Variants in SNTG2 observed in about 807,000 individuals in gnomAD.
SNTG2 encodes the protein gamma-2-syntrophin.
SNTG2 carries 74 observed loss-of-function variants against 70.9 expected under a neutral mutation model. The ratio of observed to expected loss-of-function variants is 1.04; its 90% confidence interval spans 0.86 to 1.27. SNTG2 has a LOEUF of 1.27. Ranked by LOEUF, SNTG2 falls within the 50% of genes most tolerant of loss-of-function variation. The probability of loss-of-function intolerance (pLI) is 0.00; values close to 1 mark genes in which losing one functional copy is unlikely to be tolerated. For missense variants in SNTG2, 717 were observed against 690.7 expected (o/e 1.04, Z -0.43); for synonymous variants, 278 against 273.8 (o/e 1.02, Z -0.15).
chr2:1,151,634 T>G (rs1207723062), intron 6 of SNTG2, among the ~76,000 whole-genome samples: 1 of 152,188 alleles, frequency 6.6e-6, no homozygotes, highest in Non-Finnish European at 1.5e-5. Flanking sequence ...TATTTAGATT[T>G]TTATGACTTA....
chr2:1,031,924 T>C (rs1660860544), intron 1 of SNTG2, among the ~76,000 whole-genome samples: 1 of 152,134 alleles, frequency 6.6e-6, no homozygotes, highest in African/African-American at 2.4e-5. Context: ...AGGGTTTGTT[T>C]CTGGGGTAAT....
intron 16 of SNTG2, among the ~76,000 whole-genome samples, chr2:1,332,276 G>A (rs1659574191): frequency 1.3e-5 from 2 of 152,188 alleles, no homozygotes; most frequent in African/African-American, 4.8e-5. Context: ...TTACTATAAT[G>A]TTACCTGATG....
At chr2:1,347,850 G>T (rs1319950934) in intron 16 of SNTG2, among the ~76,000 whole-genome samples, 1 of 152,170 alleles carries the variant, frequency 6.6e-6, no homozygotes, top group African/African-American at 2.4e-5. Context: ...CCCCTGCCCT[G>T]CTGCCTCACC....
intron 8 of SNTG2, among the ~76,000 whole-genome samples, chr2:1,204,065 C>A (rs372024834): frequency 6.6e-6 from 1 of 152,012 alleles, no homozygotes; most frequent in Non-Finnish European, 1.5e-5. Context: ...CGATTAATAC[C>A]GAGTTATAAA....
intron 1 of SNTG2, among the ~76,000 whole-genome samples, chr2:1,082,790 C>T (rs1664420669): frequency 6.6e-6 from 1 of 152,252 alleles, no homozygotes; most frequent in Non-Finnish European, 1.5e-5. Context: ...CTTTCCCTGA[C>T]TCTCCCGGAG....
At chr2:1,137,721 A>C in intron 5 of SNTG2, 47 bp from the exon 6 acceptor site, 1 of 1,613,644 alleles carries the variant, frequency 6.2e-7, no homozygotes, top group African/African-American at 1.3e-5. Context: ...TTTAACTTGT[A>C]TTAATCAATC....
intron 1 of SNTG2, among the ~76,000 whole-genome samples, chr2:1,045,462 G>T (rs1661681167): frequency 6.6e-6 from 1 of 151,666 alleles, no homozygotes; most frequent in Non-Finnish European, 1.5e-5. Context: ...CTTTTTCAAG[G>T]TATGATGTTA....
chr2:1,219,500 C>T (rs1185782635), intron 9 of SNTG2, among the ~76,000 whole-genome samples: 1 of 152,194 alleles, frequency 6.6e-6, no homozygotes, highest in Non-Finnish European at 1.5e-5. Flanking sequence ...CACAGAATTT[C>T]TGTGCATCAC....
intron 1 of SNTG2, among the ~76,000 whole-genome samples, chr2:966,950 C>T (rs1161039043): frequency 1.9e-5 from 2 of 107,578 alleles, no homozygotes; most frequent in African/African-American, 7.3e-5. Flanking sequence ...CTGTCTCAAA[C>T]AAACAAACAA....
chr2:1,119,006 A>C (rs1214663397), intron 4 of SNTG2, among the ~76,000 whole-genome samples: 1 of 152,206 alleles, frequency 6.6e-6, no homozygotes, highest in East Asian at 1.9e-4. Context: ...AAGGCAAAAA[A>C]AGGATAATTT....
chr2:965,770 C>A (rs1378491716), intron 1 of SNTG2, among the ~76,000 whole-genome samples: 1 of 152,078 alleles, frequency 6.6e-6, no homozygotes, highest in Non-Finnish European at 1.5e-5. Flanking sequence ...AGCTGGGCCC[C>A]CTACAGTCTT....
chr2:1,068,509 A>G (rs1157607107), intron 1 of SNTG2, among the ~76,000 whole-genome samples: 1 of 152,222 alleles, frequency 6.6e-6, no homozygotes. Flanking sequence ...CCCTACAGGC[A>G]TATTCTTAAA....
In SNTG2 at chr2:1,189,861, T is replaced by C. The variant is rs373778351; in HGVS notation, c.591+16678T>C. ...CGTGCCCGGCCGGGACTCTATCTTA[T>C]ATGGAATACTTCATATAACAGAGGG... On this transcript the variant is annotated intron_variant, in intron 8 of 16. Transcript: ENST00000308624. 3.2e-4 allele frequency among the ~76,000 whole-genome samples: 49 copies of C among 152,306 alleles called. No homozygotes were observed. In the East Asian group the frequency reaches 9.3e-3, roughly 29 times the overall value.
At chr2:1,275,641 A>G (rs1243091607) in intron 14 of SNTG2, among the ~76,000 whole-genome samples, 1 of 150,790 alleles carries the variant, frequency 6.6e-6, no homozygotes, top group Non-Finnish European at 1.5e-5. Flanking sequence ...TCCACGAGAC[A>G]TAACAGTATT....
chr2:988,295 C>G (rs1289231199), intron 1 of SNTG2, among the ~76,000 whole-genome samples: 1 of 152,236 alleles, frequency 6.6e-6, no homozygotes, highest in Non-Finnish European at 1.5e-5. Flanking sequence ...AGATTAGACA[C>G]TCATGACCCC....
intron 9 of SNTG2, among the ~76,000 whole-genome samples, chr2:1,229,243 CAG>C (rs1437980659): frequency 6.6e-6 from 1 of 152,126 alleles, no homozygotes; most frequent in Non-Finnish European, 1.5e-5. Context: ...TCTGTTTTGA[CAG>C]GGTGCTGATT....
intron 6 of SNTG2, among the ~76,000 whole-genome samples, chr2:1,148,842 C>G (rs62105983): frequency 0.98 from 149,630 of 152,176 alleles, 73,613 homozygotes; most frequent in East Asian, 1. Flanking sequence ...AGGGAGGAGG[C>G]GCCTTCCTGC....
chr2:1,201,713 G>A (rs6714307), intron 8 of SNTG2, among the ~76,000 whole-genome samples: 150,295 of 152,068 alleles, frequency 0.99, 74,294 homozygotes, highest in Middle Eastern at 1. Context: ...ATGTATCAAA[G>A]TATCACATAC....
intron 1 of SNTG2, among the ~76,000 whole-genome samples, chr2:1,077,905 A>G (rs1477128981): frequency 6.6e-6 from 1 of 152,038 alleles, no homozygotes; most frequent in Non-Finnish European, 1.5e-5. Flanking sequence ...CATACACCCT[A>G]CAGGTACCCG....
Sources: allele counts gnomAD v4.1 joint callset (sites outside exome capture counted in the v4.1 genomes callset), GRCh38; gene constraint gnomAD v4.1.1; transcripts MANE v1.5; gene names NCBI Gene and HGNC (gene_info 2026-07-23, HGNC 2026-07-21).